The following KCNB2 variants were observed in gnomAD, a reference collection of about 807,000 sequenced individuals.
KCNB2 encodes the protein potassium voltage-gated channel subfamily B member 2, also known as delayed rectifier potassium channel protein.
Under a neutral mutation model 61.5 loss-of-function variants are expected in KCNB2, and 15 were observed. The observed-to-expected ratio is 0.24, with a 90% confidence interval of 0.16 to 0.38. The LOEUF (loss-of-function observed/expected upper bound fraction) is 0.38, where lower values mean the gene tolerates loss of function less well. Among genes scored for constraint, KCNB2 ranks in the 10% least tolerant of loss-of-function variants. KCNB2 has a pLI of 1.00. For synonymous variants in KCNB2, 457 were observed against 446.0 expected (o/e 1.02, Z -0.31); for missense variants, 828 against 1,125.2 (o/e 0.74, Z 3.78).
chr8:72,730,116 T>C (rs1395458057), intron 2 of KCNB2, among the ~76,000 whole-genome samples: 6 of 152,100 alleles, frequency 3.9e-5, no homozygotes, highest in Admixed American at 3.3e-4. Flanking sequence ...AAGCCCCCAA[T>C]TCTGTCTGCT....
At chr8:72,831,171 C>T (rs1809687754) in intron 2 of KCNB2, among the ~76,000 whole-genome samples, 1 of 152,192 alleles carries the variant, frequency 6.6e-6, no homozygotes, top group South Asian at 2.1e-4. Context: ...CGGGCTACCC[C>T]AGGATGGTCT....
chr8:72,659,417 G>C (rs1806344798), intron 2 of KCNB2, among the ~76,000 whole-genome samples: 1 of 152,188 alleles, frequency 6.6e-6, no homozygotes, highest in Non-Finnish European at 1.5e-5. Context: ...GATGTGCTGT[G>C]AACATTGTTG....
Position 72,743,863 on chromosome 8 carries a change from A to C in KCNB2, c.579+175550A>C, listed in dbSNP as rs1460101187. On this transcript the variant is annotated intron_variant, in intron 2 of 2. Coordinates refer to ENST00000523207, the MANE Select transcript of KCNB2 (RefSeq NM_004770.3). ...ACTTTGCCCTTAGAAAAATATGAGA[A>C]AATAATTGCTCCATAAGTCTTTTTC... Among the ~76,000 whole-genome samples, 9 of 151,812 alleles carry C rather than the reference A, an allele frequency of 5.9e-5. No individual in the cohort carries two copies. In the East Asian group the frequency reaches 1.7e-3, roughly 29 times the overall value.
chr8:72,624,907 G>A (rs1805765976), intron 2 of KCNB2, among the ~76,000 whole-genome samples: 1 of 152,358 alleles, frequency 6.6e-6, no homozygotes, highest in Admixed American at 6.5e-5. Flanking sequence ...ACCTAGCCAG[G>A]AGCTGAGGGT....
intron 2 of KCNB2, among the ~76,000 whole-genome samples, chr8:72,854,449 C>A (rs1405034975): frequency 6.6e-6 from 1 of 152,076 alleles, no homozygotes; most frequent in Non-Finnish European, 1.5e-5. Flanking sequence ...TTCAAAATGC[C>A]TAGAAGAATA....
At chr8:72,632,912 T>C (rs768381379) in intron 2 of KCNB2, among the ~76,000 whole-genome samples, 1 of 152,220 alleles carries the variant, frequency 6.6e-6, no homozygotes, top group African/African-American at 2.4e-5. Context: ...CCACTGGGAT[T>C]GTATTTAATC....
chr8:72,766,985 A>C (rs1053161901), intron 2 of KCNB2, among the ~76,000 whole-genome samples: 1 of 152,174 alleles, frequency 6.6e-6, no homozygotes, highest in African/African-American at 2.4e-5. Context: ...CAAGAGAAAA[A>C]AAATGAGGAA....
In KCNB2 at chr8:72,777,458, T is replaced by C. The variant is rs557087418; in HGVS notation, c.580-158477T>C. On this transcript the variant is annotated intron_variant, in intron 2 of 2. Transcript: ENST00000523207. ...AGGCCAGGTCATCCAAGGTAACCCC[T>C]ACCACAGGAAGTCAGGGGCCTAAGG... Among the ~76,000 whole-genome samples, 3 of 152,236 alleles carry C rather than the reference T, an allele frequency of 2.0e-5. No homozygotes were observed. The Middle Eastern group carries it at 0.01, about 518-fold the overall frequency.
chr8:72,771,586 T>C (rs1278239210), intron 2 of KCNB2, among the ~76,000 whole-genome samples: 4 of 152,014 alleles, frequency 2.6e-5, no homozygotes, highest in African/African-American at 9.7e-5. Context: ...AAATAATAAG[T>C]TTGAGAAGGG....
chr8:72,918,884 C>T (rs1050992892), intron 2 of KCNB2, among the ~76,000 whole-genome samples: 3 of 152,158 alleles, frequency 2.0e-5, no homozygotes, highest in Non-Finnish European at 4.4e-5. Flanking sequence ...AGATTCCCGG[C>T]ATATACAAAA....
At chr8:72,884,785 CCCACA>C (rs1426471690) in intron 2 of KCNB2, among the ~76,000 whole-genome samples, 6 of 152,088 alleles carry the variant, frequency 3.9e-5, no homozygotes, top group Non-Finnish European at 8.8e-5. Context: ...TTTAATCTAT[CCCACA>C]CCAAGATCAC....
chr8:72,675,555 C>T (rs113500099), intron 2 of KCNB2, among the ~76,000 whole-genome samples: 4,278 of 151,742 alleles, frequency 0.028, 82 homozygotes, highest in South Asian at 0.074. Flanking sequence ...CTCTGTCACC[C>T]AGGCTGGAGT....
At chr8:72,833,337 G>A (rs915215722) in intron 2 of KCNB2, among the ~76,000 whole-genome samples, 6 of 152,092 alleles carry the variant, frequency 3.9e-5, no homozygotes, top group Non-Finnish European at 8.8e-5. Context: ...GTAAGATGGA[G>A]AAGACAGGAA....
At chr8:72,749,558 A>G (rs989704192) in intron 2 of KCNB2, among the ~76,000 whole-genome samples, 1 of 151,762 alleles carries the variant, frequency 6.6e-6, no homozygotes, top group Non-Finnish European at 1.5e-5. Flanking sequence ...ACAAGAAACT[A>G]TTTTTAAACA....
chr8:72,737,397 G>A (rs989265838), intron 2 of KCNB2, among the ~76,000 whole-genome samples: 1 of 152,178 alleles, frequency 6.6e-6, no homozygotes, highest in Non-Finnish European at 1.5e-5. Flanking sequence ...CAGAGTTACT[G>A]TGGGACAAGG....
rs1024886062 is a variant in KCNB2, at chr8:72,678,991, G to C, written c.579+110678G>C. Among the ~76,000 whole-genome samples, 5 of 151,716 alleles carry C rather than the reference G, an allele frequency of 3.3e-5. No homozygotes were observed. The South Asian group carries it at 1.0e-3, about 32-fold the overall frequency. ...GAATCTTTTTTCTCTTTATTTTTTT[G>C]GTGTCTAGATGAGTGCCCATCACAT... On this transcript the variant is annotated intron_variant, in intron 2 of 2. Coordinates refer to ENST00000523207, the MANE Select transcript of KCNB2 (RefSeq NM_004770.3).
At chr8:72,901,349 C>A (rs1417992296) in intron 2 of KCNB2, among the ~76,000 whole-genome samples, 1 of 152,150 alleles carries the variant, frequency 6.6e-6, no homozygotes, top group Non-Finnish European at 1.5e-5. Flanking sequence ...AGAGACGAAA[C>A]CCTGCCTTGG....
chr8:72,573,348 A>G lies in KCNB2; in HGVS notation c.579+5035A>G, dbSNP rs138525636. 3.5e-3 allele frequency among the ~76,000 whole-genome samples: 533 copies of G among 152,346 alleles called. 2 individuals carry two copies. The highest frequency in any genetic ancestry group is 5.4e-3 in the Non-Finnish European group (369 of 68,028). On this transcript the variant is annotated intron_variant, in intron 2 of 2. Coordinates refer to ENST00000523207, the MANE Select transcript of KCNB2 (RefSeq NM_004770.3). Reference sequence around the variant, plus strand: ...TTCGAGAACAGAACTTTCACATGTTATGCTTGTAAGGAGATCCAGCCAAGT... The same window carrying G: ...TTCGAGAACAGAACTTTCACATGTTGTGCTTGTAAGGAGATCCAGCCAAGT...
intron 1 of KCNB2, among the ~76,000 whole-genome samples, chr8:72,560,679 T>C (rs893980120): frequency 2.6e-5 from 4 of 152,202 alleles, no homozygotes; most frequent in Admixed American, 6.5e-5. Flanking sequence ...AATGTAGATA[T>C]AAAAATTTGA....
Sources: allele counts gnomAD v4.1 joint callset (sites outside exome capture counted in the v4.1 genomes callset), GRCh38; gene constraint gnomAD v4.1.1; transcripts MANE v1.5; gene names NCBI Gene and HGNC (gene_info 2026-07-23, HGNC 2026-07-21).